The following ABCF1 variants were observed in gnomAD, a reference collection of about 807,000 sequenced individuals.
ABCF1 encodes ATP-binding cassette sub-family F member 1.
In ABCF1, 73 loss-of-function variants were observed where a neutral mutation model predicts 126.3. The ratio of observed to expected loss-of-function variants is 0.58; its 90% confidence interval spans 0.48 to 0.70. The LOEUF (loss-of-function observed/expected upper bound fraction) is 0.70. ABCF1 is among the 30% of genes least tolerant of loss of function. The pLI, the probability that ABCF1 is intolerant of heterozygous loss-of-function variation, is 0.00. For synonymous variants in ABCF1, 345 were observed against 396.4 expected (o/e 0.87, Z 1.54); for missense variants, 786 against 1,057.5 (o/e 0.74, Z 3.56).
At chr6:30,588,049 C>T (rs889928237) in intron 20 of ABCF1, among the ~76,000 whole-genome samples, 2 of 151,950 alleles carry the variant, frequency 1.3e-5, no homozygotes, top group African/African-American at 2.4e-5. Context: ...ATTATAGGTA[C>T]GCCCCACCAT....
chr6:30,571,638 G>C, intron 1 of ABCF1, 78 bp downstream of exon 1: 1 of 1,491,662 alleles, frequency 6.7e-7, no homozygotes, highest in South Asian at 1.2e-5. Context: ...AGAGGGTCAT[G>C]GGGCACGAGA....
At chr6:30,585,435 G>T in intron 15 of ABCF1, 92 bp downstream of exon 15, 1 of 1,571,350 alleles carries the variant, frequency 6.4e-7, no homozygotes, top group Non-Finnish European at 8.8e-7. Flanking sequence ...TCTCCACTGT[G>T]CCTGTGAGTG....
In ABCF1 at chr6:30,589,597, C is replaced by T. The variant is rs1478245728; in HGVS notation, c.2032-91C>T. 3.0e-5 allele frequency: 42 copies of T among 1,379,358 alleles called. No individual in the cohort carries two copies. The East Asian group carries it at 5.8e-4, about 19-fold the overall frequency. The allele number at this position is 1,379,358 out of a possible 1,614,324, so 85.4% of individuals were successfully genotyped here. On this transcript the variant is annotated intron_variant, in intron 20 of 24. Coordinates refer to ENST00000326195, the MANE Select transcript of ABCF1 (RefSeq NM_001025091.2). ...CAGCCTGGGGGACAGAGCGAGACTC[C>T]GTCTCAAAAAAAAAAAAAAAAAGTT...
At chr6:30,575,712 A>G (rs1801462117) in intron 1 of ABCF1, among the ~76,000 whole-genome samples, 2 of 152,034 alleles carry the variant, frequency 1.3e-5, no homozygotes, top group African/African-American at 4.8e-5. Context: ...AGTAAGGCAT[A>G]GACTGAGGTG....
chr6:30,577,297 T>G, intron 1 of ABCF1, 112 bp from the exon 2 acceptor site: 1 of 968,904 alleles, frequency 1.0e-6, no homozygotes, highest in Non-Finnish European at 1.5e-6. Flanking sequence ...GAGTGATAGT[T>G]AAGCTAGAAA....
chr6:30,578,670 G>A (rs1801644701), intron 6 of ABCF1, 93 bp downstream of exon 6: 3 of 1,115,256 alleles, frequency 2.7e-6, no homozygotes, highest in South Asian at 1.3e-5. Context: ...AGCTCTTCTC[G>A]GTCTGTCTTA....
At chr6:30,576,274 C>CTA (rs1235123074) in intron 1 of ABCF1, among the ~76,000 whole-genome samples, 1 of 67,102 alleles carries the variant, frequency 1.5e-5, no homozygotes. Context: ...TCTCTGAGTG[C>CTA]TCTTTTTTTT....
rs372720558 is a variant in ABCF1, at chr6:30,586,151, A to G, written c.1731A>G (p.Glu577=). Residue 577 remains glutamate (E), a synonymous_variant, in exon 18 of 25, where the codon GAA becomes GAG. Coordinates refer to ENST00000326195, the MANE Select transcript of ABCF1 (RefSeq NM_001025091.2). The surrounding 1 kb of genome is among the most constrained non-coding windows in gnomAD (Gnocchi z 4.9). ...CTCTCCAGGAAAAACAAACGAAGGA[A>G]GCCCTGACTCGGAAGCAGCAGAAAT... ...STKQAEKQTK[E]ALTRKQQKCR... 3.5e-5 allele frequency: 57 copies of G among 1,612,320 alleles called. No individual in the cohort carries two copies. The African/African-American group carries it at 6.1e-4, about 17-fold the overall frequency.
chr6:30,586,511 T>A lies in ABCF1; in HGVS notation c.1923T>A (p.Phe641Leu). ...TFGYQGQKPL[F>L]KNLDFGIDMD... is the part of the protein sequence containing the mutation. ...GCTACCAGGGACAGAAACCACTCTT[T>A]AAGAACTTGGATTTTGGCATCGACA... The change falls in exon 19 of 25, where the codon TTT becomes TTA. Residue 641 changes from phenylalanine (F) to leucine (L), a missense_variant. By Grantham distance (22) the Phe-to-Leu change is conservative. Transcript: ENST00000326195. The surrounding 1 kb of genome is among the most constrained non-coding windows in gnomAD (Gnocchi z 4.9). 6.2e-7 allele frequency: 1 copy of A among 1,613,416 alleles called. No homozygotes were observed. The highest frequency in any genetic ancestry group is 8.5e-7 in the Non-Finnish European group (1 of 1,180,020).
At chr6:30,572,267 G>C (rs370222075) in intron 1 of ABCF1, among the ~76,000 whole-genome samples, 2 of 152,190 alleles carry the variant, frequency 1.3e-5, no homozygotes. Flanking sequence ...GCACTTATTG[G>C]ATGCCTACTG....
In ABCF1 at chr6:30,584,388, A is replaced by G; in HGVS notation, c.1243-30A>G. ...AGACTTGGGGGTTCCTGGGACCCTC[A>G]GACGTGTGTCCTCTTCTCCCTCCTC... On this transcript the variant is annotated intron_variant, in intron 13 of 24. Coordinates refer to ENST00000326195, the MANE Select transcript of ABCF1 (RefSeq NM_001025091.2). The surrounding 1 kb of genome is among the most constrained non-coding windows in gnomAD (Gnocchi z 4.6). 1 of 1,613,096 alleles carries G rather than the reference A, an allele frequency of 6.2e-7. No homozygotes were observed. The highest frequency in any genetic ancestry group is 8.5e-7 in the Non-Finnish European group (1 of 1,180,016).
chr6:30,584,130 G>C lies in ABCF1; in HGVS notation c.1103-62G>C. ...AGGCAAAACAGAAATGTAATTGAAG[G>C]GAAAGAAAGATGAGACTCTTGGCTC... On this transcript the variant is annotated intron_variant, in intron 12 of 24. Coordinates refer to ENST00000326195, the MANE Select transcript of ABCF1 (RefSeq NM_001025091.2). The surrounding 1 kb of genome is among the most constrained non-coding windows in gnomAD (Gnocchi z 4.6). 1 of 1,564,816 alleles carries C rather than the reference G, an allele frequency of 6.4e-7. No individual in the cohort carries two copies. The highest frequency in any genetic ancestry group is 8.6e-7 in the Non-Finnish European group (1 of 1,158,800).
At chr6:30,577,568 G>C in intron 2 of ABCF1, 113 bp downstream of exon 2, 2 of 1,333,114 alleles carry the variant, frequency 1.5e-6, no homozygotes, top group South Asian at 2.6e-5. Flanking sequence ...CTTGTCAAGA[G>C]AGGAGATAGG....
intron 1 of ABCF1, among the ~76,000 whole-genome samples, chr6:30,575,270 A>G (rs929665130): frequency 6.6e-6 from 1 of 151,808 alleles, no homozygotes; most frequent in Non-Finnish European, 1.5e-5. Flanking sequence ...GGGTTTCACC[A>G]TGTTGGCCAA....
intron 20 of ABCF1, 127 bp from the exon 21 acceptor site, chr6:30,589,561 C>G: frequency 9.2e-7 from 1 of 1,092,712 alleles, no homozygotes; most frequent in South Asian, 1.5e-5. Flanking sequence ...CGAGATCGCG[C>G]CACTGCACTC....
chr6:30,581,598 TTTCACCA>T (rs1306003894), intron 8 of ABCF1, among the ~76,000 whole-genome samples: 2 of 151,954 alleles, frequency 1.3e-5, no homozygotes, highest in Non-Finnish European at 2.9e-5. Context: ...AGAGACAGGA[TTTCACCA>T]TGTTAGCCAG....
intron 20 of ABCF1, among the ~76,000 whole-genome samples, chr6:30,588,830 A>G (rs974204528): frequency 1.3e-5 from 2 of 152,102 alleles, no homozygotes; most frequent in Admixed American, 6.6e-5. Flanking sequence ...AACTTGCCAC[A>G]TGAGGCCCTT....
chr6:30,583,258 T>C lies in ABCF1; in HGVS notation c.915+70T>C. 6.5e-7 allele frequency: 1 copy of C among 1,545,976 alleles called. No individual in the cohort carries two copies. The highest frequency in any genetic ancestry group is 8.8e-7 in the Non-Finnish European group (1 of 1,139,352). On this transcript the variant is annotated intron_variant, in intron 10 of 24. Transcript: ENST00000326195. The surrounding 1 kb of genome is among the most constrained non-coding windows in gnomAD (Gnocchi z 4.1). ...AGCCAGTTCTCTCATCTTCCCTGAG[T>C]GGCTGTGGTGTGTGAATGGGTTAGT...
chr6:30,580,430 G>A lies in ABCF1; in HGVS notation c.589G>A (p.Asp197Asn). The A allele has an allele frequency of 6.5e-7, 1 of 1,542,106 alleles. No homozygotes were observed. Residue 197 changes from aspartate (D) to asparagine (N), a missense_variant, in exon 8 of 25, where the codon GAC (aspartate) becomes AAC (asparagine). Physicochemically the swap from Asp to Asn is conservative, Grantham distance 23. Around this residue, in one of 4 missense-constraint regions of ABCF1, gnomAD observed 322 missense variants for 322.9 expected, o/e 1.00. Coordinates refer to ENST00000326195, the MANE Select transcript of ABCF1 (RefSeq NM_001025091.2). ...GCCTCAAAATAAATTCGCTGCTCTG[G>A]ACAATGAAGAGGAGGATAAAGAAGA... ...AKPQNKFAAL[D>N]NEEEDKEEEI...
Sources: gnomAD v4.1 joint callset for allele counts (sites outside exome capture counted in the v4.1 genomes callset) on GRCh38, gnomAD v4.1.1 for gene constraint, gnomAD v4.1.1 regional missense constraint, Gnocchi (gnomAD v3.1) non-coding constraint, MANE v1.5 for transcripts, NCBI Gene and HGNC (gene_info 2026-07-23, HGNC 2026-07-21) for gene names.